GFRA2: variants seen among roughly 807,000 people sequenced by gnomAD.
The protein encoded by GFRA2 is GDNF family receptor alpha 2.
In GFRA2, 17 loss-of-function variants were observed where a neutral mutation model predicts 48.3. That is an observed-to-expected ratio of 0.35 (90% CI 0.24 to 0.53). The LOEUF (loss-of-function observed/expected upper bound fraction) is 0.53. Among genes scored for constraint, GFRA2 ranks in the 20% least tolerant of loss-of-function variants. The pLI, the probability that GFRA2 is intolerant of heterozygous loss-of-function variation, is 0.93. For missense variants in GFRA2, 660 were observed against 637.3 expected (o/e 1.04, Z -0.38); for synonymous variants, 305 against 257.2 (o/e 1.19, Z -1.78).
At chr8:21,762,525 G>A (rs1482261238) in intron 3 of GFRA2, among the ~76,000 whole-genome samples, 1 of 152,186 alleles carries the variant, frequency 6.6e-6, no homozygotes, top group Non-Finnish European at 1.5e-5. Context: ...GTCTCCAGGT[G>A]AAGCTGCATT....
intron 4 of GFRA2, among the ~76,000 whole-genome samples, chr8:21,739,823 G>A (rs1316925112): frequency 6.6e-6 from 1 of 152,226 alleles, no homozygotes; most frequent in Non-Finnish European, 1.5e-5. Flanking sequence ...AAGATTGAAA[G>A]CCGAAAAGCA....
intron 4 of GFRA2, among the ~76,000 whole-genome samples, chr8:21,713,493 G>A (rs562890480): frequency 1.3e-5 from 2 of 152,160 alleles, no homozygotes; most frequent in Admixed American, 6.5e-5. Context: ...ACCACACCCA[G>A]CTTGGCAACA....
intron 2 of GFRA2, among the ~76,000 whole-genome samples, chr8:21,803,137 C>T (rs1325923424): frequency 6.6e-6 from 1 of 152,238 alleles, no homozygotes; most frequent in East Asian, 1.9e-4. Flanking sequence ...GCAGGGGCCT[C>T]TGCTCCACAC....
chr8:21,744,692 C>T (rs1230954223), intron 4 of GFRA2, among the ~76,000 whole-genome samples: 2 of 152,106 alleles, frequency 1.3e-5, no homozygotes, highest in Non-Finnish European at 2.9e-5. Flanking sequence ...GGAATGAATC[C>T]AGCCAAATGC....
At chr8:21,758,300 G>A (rs1805687849) in intron 3 of GFRA2, among the ~76,000 whole-genome samples, 1 of 152,008 alleles carries the variant, frequency 6.6e-6, no homozygotes, top group Non-Finnish European at 1.5e-5. Context: ...TGTCACCTAG[G>A]CACGCCCTTC....
In GFRA2 at chr8:21,705,934, A is replaced by G. The variant is rs1479800504; in HGVS notation, c.902T>C (p.Ile301Thr). 1 of 1,551,334 alleles carries G rather than the reference A, an allele frequency of 6.4e-7. No individual in the cohort carries two copies. Among genetic ancestry groups the G allele is most frequent in the South Asian group, 1.2e-5 (1 of 84,232 alleles). ...CCAGGTGAGCAGGAAGAGCTTACCAATCATGCCAGCATAAGAGCCCAGACA... is the reference window on the plus strand; with the variant it reads ...CCAGGTGAGCAGGAAGAGCTTACCAGTCATGCCAGCATAAGAGCCCAGACA... ...QACLGSYAGM[I>T]GFDMTPNYVD... The change falls in exon 5 of 9, where the codon ATT (isoleucine) becomes ACT (threonine). Residue 301 changes from isoleucine (I) to threonine (T), a missense_variant and splice_region_variant. Coordinates refer to ENST00000524240, the MANE Select transcript of GFRA2 (RefSeq NM_001495.5).
At chr8:21,699,930 C>T (rs924516996) in intron 7 of GFRA2, among the ~76,000 whole-genome samples, 1 of 152,188 alleles carries the variant, frequency 6.6e-6, no homozygotes, top group African/African-American at 2.4e-5. Flanking sequence ...CCTCTGGGGG[C>T]CCTGGCCTAG....
intron 4 of GFRA2, chr8:21,706,452 C>A (rs1021068340): frequency 1.5e-5 from 7 of 459,864 alleles, no homozygotes; most frequent in Non-Finnish European, 2.6e-5. Flanking sequence ...GTCCTTCAAC[C>A]CGGCACTGCA....
At chr8:21,777,983 C>T (rs1335320884) in intron 2 of GFRA2, among the ~76,000 whole-genome samples, 6 of 152,196 alleles carry the variant, frequency 3.9e-5, no homozygotes, top group Non-Finnish European at 8.8e-5. Flanking sequence ...CCATCCTCCC[C>T]ACTGCCGCCA....
At chr8:21,733,471 T>C (rs1217642265) in intron 4 of GFRA2, among the ~76,000 whole-genome samples, 1 of 152,148 alleles carries the variant, frequency 6.6e-6, no homozygotes, top group African/African-American at 2.4e-5. Context: ...CACGGAGGTG[T>C]CATCCTGCAC....
intron 1 of GFRA2, 80 bp downstream of exon 1, chr8:21,788,040 C>T (rs1807372389): frequency 6.8e-6 from 4 of 585,448 alleles, no homozygotes; most frequent in African/African-American, 4.0e-5. Context: ...CTCCCGCCAG[C>T]CCCCCACCGG....
rs373963715 is a variant in GFRA2 at position 21,803,701 on chromosome 8, T to C, written c.-36+1316A>G. 7.2e-5 allele frequency among the ~76,000 whole-genome samples: 11 copies of C among 152,354 alleles called. No individual in the cohort carries two copies. The East Asian group carries it at 2.1e-3, about 29-fold the overall frequency. ...AGGCTGGAGTGCAGTGGCACAATCA[T>C]AGCTCACTGTAATCTCCAACTCCTA... On this transcript the variant is annotated intron_variant, in intron 2 of 10. Transcript: ENST00000517328.
At position 21,774,882 on chromosome 8, in the gene GFRA2, G is replaced by T. The variant is rs1017577341; in HGVS notation, c.439+90C>A. ...ATGGGCAGCAGGGCCATCATCGGACGCCAGGATGCCTGTCCAAGCCCAGAG... is the reference window on the plus strand; with the variant it reads ...ATGGGCAGCAGGGCCATCATCGGACTCCAGGATGCCTGTCCAAGCCCAGAG... On this transcript the variant is annotated intron_variant, in intron 3 of 8. Coordinates refer to ENST00000524240, the MANE Select transcript of GFRA2 (RefSeq NM_001495.5). 44 of 726,002 alleles carry T rather than the reference G, an allele frequency of 6.1e-5. No homozygotes were observed. In the East Asian group the frequency reaches 1.1e-3, roughly 18 times the overall value. 45.0% of individuals were successfully genotyped at this position (726,002 alleles called of 1,614,324 possible).
At chr8:21,761,963 A>T (rs1485994553) in intron 3 of GFRA2, among the ~76,000 whole-genome samples, 3 of 151,888 alleles carry the variant, frequency 2.0e-5, no homozygotes, top group Non-Finnish European at 2.9e-5. Context: ...AAAAATTAAA[A>T]AAATTAAAAA....
In GFRA2 at chr8:21,799,409, G is replaced by A. The variant is rs943938233; in HGVS notation, c.-36+5608C>T. On this transcript the variant is annotated intron_variant, in intron 2 of 10. Coordinates refer to the GFRA2 transcript ENST00000517328. ...AATTTTTTGTATTTTTAGTAGAGAC[G>A]GGGTTTCACATGTTAGCCAGGTGGT... is the stretch of plus-strand genomic sequence containing the variant. Among the ~76,000 whole-genome samples the A allele has an allele frequency of 3.3e-3, 508 of 152,118 alleles. 5 individuals carry two copies. Among genetic ancestry groups the A allele is most frequent in the African/African-American group, 0.012 (482 of 41,484 alleles).
intron 1 of GFRA2, among the ~76,000 whole-genome samples, chr8:21,786,973 G>A (rs1029748363): frequency 6.6e-6 from 1 of 151,992 alleles, no homozygotes; most frequent in East Asian, 1.9e-4. Flanking sequence ...TGAAGCAGAC[G>A]TGTGCTCCTT....
At chr8:21,701,119 G>A (rs1320798050) in intron 7 of GFRA2, among the ~76,000 whole-genome samples, 2 of 152,264 alleles carry the variant, frequency 1.3e-5, no homozygotes, top group Non-Finnish European at 2.9e-5. Context: ...ATTGTGCCGG[G>A]CGCGGGGGCT....
chr8:21,715,394 C>T (rs751224424), intron 4 of GFRA2, among the ~76,000 whole-genome samples: 6 of 152,184 alleles, frequency 3.9e-5, no homozygotes, highest in East Asian at 1.9e-4. Context: ...CTGCAACCTC[C>T]GCTTCCCAGG....
At chr8:21,806,387 C>T (rs983355049) in intron 1 of GFRA2, among the ~76,000 whole-genome samples, 1 of 152,038 alleles carries the variant, frequency 6.6e-6, no homozygotes, top group African/African-American at 2.4e-5. Flanking sequence ...TAACTTTGCC[C>T]AATTGTAGGC....
Sources: allele counts gnomAD v4.1 joint callset (sites outside exome capture counted in the v4.1 genomes callset), GRCh38; gene constraint gnomAD v4.1.1; transcripts MANE v1.5; gene names NCBI Gene and HGNC (gene_info 2026-07-23, HGNC 2026-07-21).